PHKB: variants seen among roughly 807,000 people sequenced by gnomAD.
The protein encoded by PHKB is phosphorylase b kinase regulatory subunit beta.
In PHKB, 122 loss-of-function variants were observed where a neutral mutation model predicts 152.1. That is an observed-to-expected ratio of 0.80 (90% CI 0.69 to 0.93). The LOEUF (loss-of-function observed/expected upper bound fraction) is 0.93. PHKB is among the 40% of genes least tolerant of loss of function. The probability of loss-of-function intolerance (pLI) is 0.00; values close to 1 mark genes in which losing one functional copy is unlikely to be tolerated. For missense variants in PHKB, 1,304 were observed against 1,328.4 expected (o/e 0.98, Z 0.29); for synonymous variants, 436 against 464.9 (o/e 0.94, Z 0.80).
chr16:47,496,949 A>G (rs1411668539), intron 1 of PHKB, among the ~76,000 whole-genome samples: 1 of 152,174 alleles, frequency 6.6e-6, no homozygotes, highest in African/African-American at 2.4e-5. Context: ...GTATGTGAAC[A>G]TTATCTTCTT....
intron 20 of PHKB, among the ~76,000 whole-genome samples, chr16:47,656,755 C>T (rs1251111341): frequency 1.3e-5 from 2 of 152,022 alleles, no homozygotes; most frequent in Non-Finnish European, 2.9e-5. Flanking sequence ...ATATGCTCCT[C>T]TTGGGTTTTA....
chr16:47,610,718 A>T (rs1422050578), intron 13 of PHKB, 108 bp from the exon 14 acceptor site: 2 of 731,072 alleles, frequency 2.7e-6, no homozygotes, highest in African/African-American at 3.5e-5. Flanking sequence ...ATGTACACTG[A>T]GAAAAATGTA....
intron 4 of PHKB, among the ~76,000 whole-genome samples, chr16:47,504,339 A>T (rs1460962749): frequency 6.6e-6 from 1 of 152,218 alleles, no homozygotes; most frequent in Non-Finnish European, 1.5e-5. Flanking sequence ...GTGGTTGGTC[A>T]TGTGGGTATC....
intron 14 of PHKB, among the ~76,000 whole-genome samples, chr16:47,626,750 A>G (rs1004739811): frequency 2.0e-5 from 3 of 152,192 alleles, no homozygotes; most frequent in Non-Finnish European, 4.4e-5. Context: ...TTATGATTTT[A>G]TCAAGGAAAG....
intron 30 of PHKB, 82 bp downstream of exon 30, chr16:47,698,670 T>C: frequency 8.3e-7 from 1 of 1,208,204 alleles, no homozygotes; most frequent in African/African-American, 1.6e-5. Flanking sequence ...CTAATCTCTT[T>C]TCATTTACTT....
intron 26 of PHKB, among the ~76,000 whole-genome samples, chr16:47,673,385 G>A (rs1461827168): frequency 6.6e-6 from 1 of 152,074 alleles, no homozygotes; most frequent in East Asian, 1.9e-4. Context: ...TCTTAATTTT[G>A]ATAAACATAC....
chr16:47,676,969 A>G (rs1973743251), intron 26 of PHKB, among the ~76,000 whole-genome samples: 1 of 152,236 alleles, frequency 6.6e-6, no homozygotes, highest in African/African-American at 2.4e-5. Flanking sequence ...CTCTGTAAGC[A>G]ATTATGATCC....
At chr16:47,570,725 G>C (rs1465605757) in intron 7 of PHKB, among the ~76,000 whole-genome samples, 2 of 149,642 alleles carry the variant, frequency 1.3e-5, no homozygotes, top group Non-Finnish European at 3.0e-5. Context: ...ACTTTCTCTT[G>C]GATCTCATTG....
intron 7 of PHKB, among the ~76,000 whole-genome samples, chr16:47,577,758 A>G (rs1228836007): frequency 6.6e-6 from 1 of 152,128 alleles, no homozygotes; most frequent in Non-Finnish European, 1.5e-5. Flanking sequence ...GTAATGTGTT[A>G]TCTCTGGCTA....
intron 3 of PHKB, among the ~76,000 whole-genome samples, chr16:47,500,560 T>G (rs1186343414): frequency 1.3e-5 from 2 of 152,190 alleles, no homozygotes. Flanking sequence ...CTTAACAAAT[T>G]TGTTCAAAAT....
rs1196285108 is a variant in PHKB at position 47,502,988 on chromosome 16, C to T, written c.306-3C>T. On this transcript the variant is annotated splice_polypyrimidine_tract_variant and splice_region_variant and intron_variant, in intron 3 of 30. Transcript: ENST00000323584. ...AGTTTCATGAGTTATCTCTCTCACC[C>T]AGGCGAATTGATGATGACAAGGGAA... The T allele has an allele frequency of 2.5e-6, 4 of 1,601,598 alleles. No homozygotes were observed. The highest frequency in any genetic ancestry group is 3.4e-6 in the Non-Finnish European group (4 of 1,168,708).
intron 16 of PHKB, among the ~76,000 whole-genome samples, chr16:47,647,506 T>C (rs1344711319): frequency 6.6e-6 from 1 of 152,060 alleles, no homozygotes; most frequent in African/African-American, 2.4e-5. Context: ...AACATCTTTT[T>C]TTTTTTTTTG....
At chr16:47,484,515 C>T (rs1970018050) in intron 1 of PHKB, among the ~76,000 whole-genome samples, 1 of 152,086 alleles carries the variant, frequency 6.6e-6, no homozygotes, top group Admixed American at 6.5e-5. Flanking sequence ...TTGGAGCAAT[C>T]TCCTGTTTAA....
chr16:47,480,892 A>G (rs557411823), intron 1 of PHKB, among the ~76,000 whole-genome samples: 6 of 152,314 alleles, frequency 3.9e-5, no homozygotes, highest in South Asian at 2.1e-4. Flanking sequence ...TTTAAGCCAA[A>G]CTAGATGGTC....
intron 14 of PHKB, among the ~76,000 whole-genome samples, chr16:47,635,180 T>C (rs1972896848): frequency 2.0e-5 from 3 of 152,314 alleles, no homozygotes; most frequent in Admixed American, 1.3e-4. Context: ...CACAGAGGCA[T>C]ACAGTATACT....
intron 7 of PHKB, among the ~76,000 whole-genome samples, chr16:47,554,058 T>C (rs1208198492): frequency 1.3e-5 from 2 of 152,122 alleles, no homozygotes; most frequent in Non-Finnish European, 2.9e-5. Flanking sequence ...TTAGCAGACT[T>C]GAGGTCCACT....
chr16:47,546,044 G>A (rs895077108), intron 6 of PHKB, among the ~76,000 whole-genome samples: 3 of 152,012 alleles, frequency 2.0e-5, no homozygotes, highest in South Asian at 2.1e-4. Flanking sequence ...AACATCCTCC[G>A]TTAGCTCGGA....
rs114105786 is a variant in PHKB at position 47,583,900 on chromosome 16, G to A, written c.774+3542G>A. Among the ~76,000 whole-genome samples, 249 of 152,036 alleles carry A rather than the reference G, an allele frequency of 1.6e-3. 2 individuals are homozygous for A. Among genetic ancestry groups the A allele is most frequent in the African/African-American group, 5.5e-3 (229 of 41,478 alleles). On this transcript the variant is annotated intron_variant, in intron 8 of 30. Transcript: ENST00000323584. Reference sequence around the variant, plus strand: ...ATCCATTTCACAAATAGTGTGAAAGGCTTGCCTTTTGCCCCTGGCTTCAGC... The same window carrying A: ...ATCCATTTCACAAATAGTGTGAAAGACTTGCCTTTTGCCCCTGGCTTCAGC...
At chr16:47,638,008 C>T (rs189174050) in intron 14 of PHKB, among the ~76,000 whole-genome samples, 2 of 152,120 alleles carry the variant, frequency 1.3e-5, no homozygotes, top group African/African-American at 4.8e-5. Flanking sequence ...GAGGGTTCCG[C>T]CCTCATGACC....
Sources: allele counts gnomAD v4.1 joint callset (sites outside exome capture counted in the v4.1 genomes callset), GRCh38; gene constraint gnomAD v4.1.1; transcripts MANE v1.5; gene names NCBI Gene and HGNC (gene_info 2026-07-23, HGNC 2026-07-21).